Variants in NMNAT2 observed in about 807,000 individuals in gnomAD.
The protein encoded by NMNAT2 is nicotinamide/nicotinic acid mononucleotide adenylyltransferase 2.
In NMNAT2, 11 loss-of-function variants were observed where a neutral mutation model predicts 41.6. The ratio of observed to expected loss-of-function variants is 0.26; its 90% CI spans 0.17 to 0.44. NMNAT2 has a LOEUF of 0.44. NMNAT2 is among the 20% of genes least tolerant of loss of function. NMNAT2 has a pLI of 1.00. For synonymous variants in NMNAT2, 148 were observed against 151.2 expected, an observed-to-expected ratio of 0.98 and a Z score of 0.16; for missense variants, 288 against 407.7, an observed-to-expected ratio of 0.71 and a Z score of 2.53.
chr1:183,396,394 T>C (rs1286227913), intron 1 of NMNAT2, among the ~76,000 whole-genome samples: 1 of 152,130 alleles, frequency 6.6e-6, no homozygotes. Flanking sequence ...AGAAAACACC[T>C]GAAGGTGGTG....
intron 5 of NMNAT2, among the ~76,000 whole-genome samples, chr1:183,285,619 A>G (rs528505215): frequency 6.6e-6 from 1 of 152,334 alleles, no homozygotes; most frequent in East Asian, 1.9e-4. Context: ...TTGAAAAGTA[A>G]TATCAGAATC....
At chr1:183,295,229 C>T (rs1185842415) in intron 1 of NMNAT2, among the ~76,000 whole-genome samples, 2 of 152,056 alleles carry the variant, frequency 1.3e-5, no homozygotes, top group South Asian at 2.1e-4. Context: ...CTCAAACTCC[C>T]GGCCTCAAGT....
intron 8 of NMNAT2, among the ~76,000 whole-genome samples, chr1:183,277,512 C>CAAAAA (rs759856572): frequency 1.3e-4 from 6 of 47,706 alleles, no homozygotes; most frequent in African/African-American, 1.9e-4. Context: ...GACTCCGTCT[C>CAAAAA]AAAAAAAAAA....
At chr1:183,401,065 G>T (rs1648794768) in intron 1 of NMNAT2, among the ~76,000 whole-genome samples, 1 of 152,132 alleles carries the variant, frequency 6.6e-6, no homozygotes, top group Non-Finnish European at 1.5e-5. Flanking sequence ...TTGACAAATG[G>T]GATCTAATTA....
At chr1:183,384,872 A>G (rs1648149924) in intron 1 of NMNAT2, among the ~76,000 whole-genome samples, 1 of 152,050 alleles carries the variant, frequency 6.6e-6, no homozygotes, top group African/African-American at 2.4e-5. Context: ...GATATTGTAT[A>G]TATACTATGA....
chr1:183,283,848 A>G, intron 7 of NMNAT2, 147 bp downstream of exon 7: 2 of 759,476 alleles, frequency 2.6e-6, no homozygotes, highest in Non-Finnish European at 4.6e-6. Flanking sequence ...ATGCAATCTT[A>G]GCCTGGGAAC....
At chr1:183,321,024 T>G (rs1662346471) in intron 1 of NMNAT2, among the ~76,000 whole-genome samples, 1 of 152,220 alleles carries the variant, frequency 6.6e-6, no homozygotes, top group Non-Finnish European at 1.5e-5. Context: ...GATGGCCTCA[T>G]ATCTGAACCT....
At chr1:183,332,299 T>C (rs1662601931) in intron 1 of NMNAT2, among the ~76,000 whole-genome samples, 1 of 152,148 alleles carries the variant, frequency 6.6e-6, no homozygotes, top group South Asian at 2.1e-4. Flanking sequence ...CCTTTGTGTG[T>C]TCTCTGATCT....
chr1:183,328,609 C>G (rs1391035621), intron 1 of NMNAT2, among the ~76,000 whole-genome samples: 1 of 152,204 alleles, frequency 6.6e-6, no homozygotes, highest in Non-Finnish European at 1.5e-5. Flanking sequence ...CCTCCTGGCT[C>G]TAGTTAGGTG....
chr1:183,285,563 C>G (rs1032000069), intron 5 of NMNAT2, among the ~76,000 whole-genome samples: 10 of 152,094 alleles, frequency 6.6e-5, no homozygotes. Context: ...TGTGAATTAC[C>G]CTGTTTATAA....
chr1:183,409,698 G>A (rs1307655565), intron 1 of NMNAT2, among the ~76,000 whole-genome samples: 1 of 152,192 alleles, frequency 6.6e-6, no homozygotes, highest in Admixed American at 6.5e-5. Context: ...TCAAAAGACA[G>A]GATCTCTACA....
intron 8 of NMNAT2, among the ~76,000 whole-genome samples, chr1:183,269,721 T>C (rs377604330): frequency 8.5e-5 from 13 of 152,216 alleles, no homozygotes; most frequent in Admixed American, 6.5e-4. Flanking sequence ...TCTTATTTCA[T>C]AGGTGGGGAA....
At chr1:183,288,879 G>T (rs1046557801) in intron 4 of NMNAT2, among the ~76,000 whole-genome samples, 2 of 152,212 alleles carry the variant, frequency 1.3e-5, no homozygotes, top group Admixed American at 1.3e-4. Context: ...CCCCAAGTCA[G>T]CCTCCTTTGA....
chr1:183,385,982 G>A (rs1191101807), intron 1 of NMNAT2, among the ~76,000 whole-genome samples: 7 of 152,166 alleles, frequency 4.6e-5, no homozygotes, highest in Non-Finnish European at 1.5e-5. Context: ...GATGCTGACA[G>A]CATAGAAGGG....
chr1:183,249,314 G>A lies in NMNAT2; in HGVS notation c.*3327C>T, dbSNP rs200392804. On this transcript the variant is annotated 3_prime_UTR_variant, in exon 11 of 11. Transcript: ENST00000287713. ...GCCCTCCCAGAGGACCATTCCTTAA[G>A]GACAGAGTTATTGACAAAAAGGGTT... The A allele has an allele frequency of 4.6e-5, 7 of 152,156 alleles. No individual in the cohort carries two copies. The highest frequency in any genetic ancestry group is 1.0e-4 in the Non-Finnish European group (7 of 68,032). 9.4% of individuals were successfully genotyped at this position (152,156 alleles called of 1,614,324 possible).
chr1:183,397,271 C>A (rs980874481), intron 1 of NMNAT2, among the ~76,000 whole-genome samples: 1 of 152,112 alleles, frequency 6.6e-6, no homozygotes, highest in African/African-American at 2.4e-5. Flanking sequence ...CCTCTCCTAT[C>A]CCACTGGTAT....
At chr1:183,339,344 G>A (rs2485928) in intron 1 of NMNAT2, among the ~76,000 whole-genome samples, 107,358 of 151,894 alleles carry the variant, frequency 0.71, 38,078 homozygotes, top group East Asian at 0.9. Context: ...TGATCTGCGC[G>A]CCTCAGCCTC....
intron 8 of NMNAT2, chr1:183,266,477 G>A (rs1025380291): frequency 1.2e-4 from 18 of 152,150 alleles, no homozygotes; most frequent in African/African-American, 4.3e-4. Flanking sequence ...CACCCTTTTG[G>A]TTCTCTAAGC....
chr1:183,302,655 T>C (rs1423401027), intron 1 of NMNAT2, among the ~76,000 whole-genome samples: 1 of 152,176 alleles, frequency 6.6e-6, no homozygotes, highest in Non-Finnish European at 1.5e-5. Flanking sequence ...TCAGGGCCAC[T>C]GTTCCCCTGC....
Sources: gnomAD v4.1 joint callset for allele counts (sites outside exome capture counted in the v4.1 genomes callset) on GRCh38, gnomAD v4.1.1 for gene constraint, MANE v1.5 for transcripts, NCBI Gene and HGNC (gene_info 2026-07-23, HGNC 2026-07-21) for gene names.